MFSD11: variants seen among roughly 807,000 people sequenced by gnomAD.
MFSD11 encodes the protein UNC93-like protein MFSD11.
Under a neutral mutation model 53.5 loss-of-function variants are expected in MFSD11, and 36 were observed. That is an observed-to-expected ratio of 0.67 (90% CI 0.52 to 0.89). MFSD11 has a LOEUF of 0.89. MFSD11 is among the 40% of genes least tolerant of loss of function. MFSD11 has a pLI of 0.00. For missense variants in MFSD11, 530 were observed against 543.9 expected, an observed-to-expected ratio of 0.97 and a Z score of 0.25; for synonymous variants, 186 against 184.9, an observed-to-expected ratio of 1.01 and a Z score of -0.05.
chr17:76,743,198 G>A (rs2078255315), intron 5 of MFSD11, among the ~76,000 whole-genome samples, 200 bp from the exon 6 acceptor site: 1 of 152,164 alleles, frequency 6.6e-6, no homozygotes, highest in South Asian at 2.1e-4. Flanking sequence ...GAAGGAGACT[G>A]AATTCCATCT....
chr17:76,741,963 T>C lies in MFSD11; in HGVS notation c.261-6T>C, dbSNP rs1052703451. 2 of 1,614,158 alleles carry C rather than the reference T, an allele frequency of 1.2e-6. No individual in the cohort carries two copies. The highest frequency in any genetic ancestry group is 1.7e-6 in the Non-Finnish European group (2 of 1,180,010). ...GACTGTAATACCTTGACCTGTTATA[T>C]TTTAGCATGTACATTGCCGTTTTCA... On this transcript the variant is annotated splice_polypyrimidine_tract_variant and splice_region_variant and intron_variant, in intron 3 of 12. Coordinates refer to ENST00000685175, the MANE Select transcript of MFSD11 (RefSeq NM_001242532.5).
At chr17:76,744,069 C>G (rs562047707) in intron 6 of MFSD11, among the ~76,000 whole-genome samples, 38 of 152,310 alleles carry the variant, frequency 2.5e-4, no homozygotes, top group African/African-American at 8.7e-4. Context: ...GTTGTTTTCT[C>G]TGGACCCTTC....
chr17:76,798,117 C>A, the MFSD11 span, among the ~76,000 whole-genome samples: 409 of 151,716 alleles, frequency 2.7e-3, 3 homozygotes, highest in African/African-American at 9.2e-3. Flanking sequence ...TGAACTCCCA[C>A]GCTCAAGCAA....
chr17:76,748,313 G>A (rs1051409298), intron 7 of MFSD11, among the ~76,000 whole-genome samples: 5 of 152,100 alleles, frequency 3.3e-5, no homozygotes, highest in Non-Finnish European at 5.9e-5. Flanking sequence ...GCTGTTGAGG[G>A]TATAAGTAGA....
chr17:76,791,362 A>G, the MFSD11 span, among the ~76,000 whole-genome samples: 1 of 149,026 alleles, frequency 6.7e-6, no homozygotes, highest in Admixed American at 6.7e-5. Context: ...GATATTTCCA[A>G]TTCTTCAGTC....
chr17:76,796,526 C>T, the MFSD11 span, among the ~76,000 whole-genome samples: 1 of 152,160 alleles, frequency 6.6e-6, no homozygotes, highest in Non-Finnish European at 1.5e-5. Flanking sequence ...GCAGCACCAG[C>T]TGGGTGTTCA....
intron 10 of MFSD11, 123 bp downstream of exon 10, chr17:76,769,994 C>A: frequency 1.2e-6 from 1 of 837,266 alleles, no homozygotes. Flanking sequence ...TTTACCCAAA[C>A]GTGTGTTTTT....
rs1053637370 is a variant in MFSD11, at chr17:76,776,704, A to G, written c.1185+163A>G. ...CACTCAGGCTGGAGTGCAGTAGCGC[A>G]ATCTTGACTCGCTGCAACCTCCGCC... On this transcript the variant is annotated intron_variant, in intron 12 of 12. Coordinates refer to ENST00000685175, the MANE Select transcript of MFSD11 (RefSeq NM_001242532.5). The surrounding 1 kb of genome is among the most constrained non-coding windows in gnomAD (Gnocchi z 4.2). Among the ~76,000 whole-genome samples, 1 of 151,870 alleles carries G rather than the reference A, an allele frequency of 6.6e-6. No homozygotes were observed. The highest frequency in any genetic ancestry group is 1.5e-5 in the Non-Finnish European group (1 of 67,982).
At chr17:76,750,055 C>T (rs1233657981) in intron 7 of MFSD11, among the ~76,000 whole-genome samples, 1 of 151,854 alleles carries the variant, frequency 6.6e-6, no homozygotes, top group African/African-American at 2.4e-5. Flanking sequence ...GGATGGTAAG[C>T]CATTGGAGGG....
intron 8 of MFSD11, 31 bp downstream of exon 8, chr17:76,754,118 A>G (rs1361557435): frequency 1.3e-6 from 2 of 1,526,268 alleles, no homozygotes; most frequent in Non-Finnish European, 1.8e-6. Flanking sequence ...AAATGCAAGA[A>G]CTGTTCAGGA....
intron 8 of MFSD11, among the ~76,000 whole-genome samples, chr17:76,757,860 A>T (rs2079806681): frequency 6.6e-6 from 1 of 152,008 alleles, no homozygotes; most frequent in Non-Finnish European, 1.5e-5. Context: ...AATACAAAAA[A>T]ATTAGCCAGG....
chr17:76,755,440 G>A (rs1015474657), intron 8 of MFSD11, among the ~76,000 whole-genome samples: 3 of 152,006 alleles, frequency 2.0e-5, no homozygotes, highest in Non-Finnish European at 4.4e-5. Flanking sequence ...TATTCATTAA[G>A]CCTATTGTAG....
At chr17:76,748,418 T>A (rs1268991672) in intron 7 of MFSD11, among the ~76,000 whole-genome samples, 2 of 151,986 alleles carry the variant, frequency 1.3e-5, no homozygotes, top group East Asian at 3.9e-4. Flanking sequence ...CTGGGCACAG[T>A]GGCTCCTGCC....
intron 8 of MFSD11, among the ~76,000 whole-genome samples, chr17:76,760,561 G>A (rs1445416835): frequency 1.3e-5 from 2 of 151,164 alleles, no homozygotes; most frequent in African/African-American, 2.4e-5. Flanking sequence ...CGGGAGTTTC[G>A]CTCTTGTCAC....
chr17:76,767,738 C>T (rs143115747), intron 9 of MFSD11, among the ~76,000 whole-genome samples: 92 of 152,294 alleles, frequency 6.0e-4, no homozygotes, highest in African/African-American at 2.1e-3. Flanking sequence ...GATAGCCAGA[C>T]ACCTTAGTTA....
At chr17:76,801,914 A>G in the MFSD11 span, among the ~76,000 whole-genome samples, 1 of 152,088 alleles carries the variant, frequency 6.6e-6, no homozygotes, top group East Asian at 1.9e-4. Context: ...AATGCAGCCC[A>G]TTAGGTCTTG....
At chr17:76,753,632 G>C (rs1676308634) in intron 7 of MFSD11, among the ~76,000 whole-genome samples, 1 of 147,200 alleles carries the variant, frequency 6.8e-6, no homozygotes, top group Non-Finnish European at 1.5e-5. Flanking sequence ...GGGTTGCAGT[G>C]AGCTGAGATT....
At chr17:76,795,945 G>A in the MFSD11 span, among the ~76,000 whole-genome samples, 2 of 151,584 alleles carry the variant, frequency 1.3e-5, no homozygotes, top group Admixed American at 1.3e-4. Flanking sequence ...GATTACAGGT[G>A]TGAGCCACCA....
the MFSD11 span, among the ~76,000 whole-genome samples, chr17:76,794,226 G>A: frequency 6.6e-6 from 1 of 151,434 alleles, no homozygotes; most frequent in Non-Finnish European, 1.5e-5. Flanking sequence ...GCTCACACCT[G>A]TAATCCCAGC....
Sources: allele counts gnomAD v4.1 joint callset (sites outside exome capture counted in the v4.1 genomes callset), GRCh38; gene constraint gnomAD v4.1.1; non-coding constraint Gnocchi (gnomAD v3.1); transcripts MANE v1.5; gene names NCBI Gene and HGNC (gene_info 2026-07-23, HGNC 2026-07-21).